Variants in PTPRK observed in about 807,000 individuals in gnomAD.
PTPRK encodes the protein protein tyrosine phosphatase receptor type K.
Under a neutral mutation model 178.0 loss-of-function variants are expected in PTPRK, and 75 were observed. That is an observed-to-expected ratio of 0.42 (90% CI 0.35 to 0.51). The LOEUF is 0.51. Ranked by LOEUF, PTPRK falls within the 20% of genes least tolerant of loss-of-function variation. PTPRK has a pLI of 0.02. For synonymous variants in PTPRK, 637 were observed against 620.6 expected (o/e 1.03, Z -0.39); for missense variants, 1,441 against 1,797.8 (o/e 0.80, Z 3.59).
intron 7 of PTPRK, among the ~76,000 whole-genome samples, chr6:128,122,990 T>A (rs1467211954): frequency 6.6e-6 from 1 of 152,144 alleles, no homozygotes; most frequent in Non-Finnish European, 1.5e-5. Flanking sequence ...ACCTGGAACT[T>A]CAGAATGGAA....
At chr6:128,395,480 T>C (rs1339826382) in intron 2 of PTPRK, among the ~76,000 whole-genome samples, 2 of 152,180 alleles carry the variant, frequency 1.3e-5, no homozygotes, top group Non-Finnish European at 2.9e-5. Context: ...CCACCATCAA[T>C]GGTAATTAGC....
At position 128,137,996 on chromosome 6, in the gene PTPRK, G is replaced by C. The variant is rs1401342379; in HGVS notation, c.1162+46436C>G. ...AATGTAAACATCCGGCACATATTTA[G>C]AAAGACACAGATATTTGACTTACAA... On this transcript the variant is annotated intron_variant, in intron 7 of 29. Transcript: ENST00000368226. Among the ~76,000 whole-genome samples the C allele has an allele frequency of 1.3e-5, 2 of 151,986 alleles. 1 individual carries two copies. Among genetic ancestry groups the C allele is most frequent in the African/African-American group, 4.8e-5 (2 of 41,390 alleles).
chr6:128,428,997 A>G (rs1844505082), intron 1 of PTPRK, among the ~76,000 whole-genome samples: 1 of 152,216 alleles, frequency 6.6e-6, no homozygotes, highest in South Asian at 2.1e-4. Flanking sequence ...TAGGTGTATT[A>G]AAAGTATTTC....
At chr6:128,029,307 A>G (rs1774875296) in intron 13 of PTPRK, among the ~76,000 whole-genome samples, 1 of 151,968 alleles carries the variant, frequency 6.6e-6, no homozygotes. Flanking sequence ...TGCCAGCACT[A>G]CGCTTCCTCT....
chr6:128,238,511 A>G (rs1485193511), intron 5 of PTPRK, among the ~76,000 whole-genome samples: 1 of 152,188 alleles, frequency 6.6e-6, no homozygotes, highest in African/African-American at 2.4e-5. Context: ...GGGCAGACCT[A>G]CAGAGCCTCT....
At chr6:128,035,770 G>C (rs1054076824) in intron 13 of PTPRK, among the ~76,000 whole-genome samples, 8 of 152,154 alleles carry the variant, frequency 5.3e-5, no homozygotes, top group South Asian at 2.1e-4. Context: ...AATGTGTAGG[G>C]ACACTTGGGT....
At chr6:128,453,706 G>A (rs1183599532) in intron 1 of PTPRK, among the ~76,000 whole-genome samples, 2 of 152,118 alleles carry the variant, frequency 1.3e-5, no homozygotes, top group East Asian at 3.9e-4. Context: ...CCCTGTAAAT[G>A]TGCTTTTATA....
At chr6:128,322,370 C>T (rs1828923775) in intron 2 of PTPRK, 60 bp from the exon 3 acceptor site, 2 of 1,440,220 alleles carry the variant, frequency 1.4e-6, no homozygotes, top group Middle Eastern at 1.8e-4. Flanking sequence ...GAACATATAA[C>T]AATAAAAATA....
intron 6 of PTPRK, among the ~76,000 whole-genome samples, chr6:128,207,406 G>T (rs917387545): frequency 6.6e-6 from 1 of 152,050 alleles, no homozygotes; most frequent in Non-Finnish European, 1.5e-5. Context: ...GATTGCTGAT[G>T]GTTGATTTTT....
chr6:128,465,410 G>C (rs796636803), intron 1 of PTPRK, among the ~76,000 whole-genome samples: 88 of 152,010 alleles, frequency 5.8e-4, no homozygotes, highest in African/African-American at 2.0e-3. Context: ...TTAATCTGTG[G>C]AAAGACAATT....
chr6:128,384,716 A>G (rs1327475309), intron 2 of PTPRK, among the ~76,000 whole-genome samples: 2 of 152,222 alleles, frequency 1.3e-5, no homozygotes, highest in African/African-American at 4.8e-5. Flanking sequence ...ATTGAATACA[A>G]GGCAATCGTG....
intron 3 of PTPRK, among the ~76,000 whole-genome samples, chr6:128,262,809 CTT>C (rs1299423913): frequency 1.1e-5 from 1 of 93,832 alleles, no homozygotes. Context: ...AATGGTACTT[CTT>C]TTTTTTTTTT....
chr6:128,208,342 T>A (rs536919433), intron 6 of PTPRK, among the ~76,000 whole-genome samples: 1 of 150,800 alleles, frequency 6.6e-6, no homozygotes, highest in African/African-American at 2.4e-5. Context: ...CTTTAAAACA[T>A]TGATGTAGGA....
At chr6:128,290,563 C>T (rs1380454961) in intron 3 of PTPRK, among the ~76,000 whole-genome samples, 1 of 151,996 alleles carries the variant, frequency 6.6e-6, no homozygotes, top group Non-Finnish European at 1.5e-5. Context: ...CATCAGAATA[C>T]CTCCTCAGGC....
At chr6:128,029,620 G>A (rs1165667308) in intron 13 of PTPRK, among the ~76,000 whole-genome samples, 2 of 148,470 alleles carry the variant, frequency 1.3e-5, no homozygotes, top group East Asian at 2.0e-4. Context: ...CTGGGTGACA[G>A]AGTGAGATTC....
rs1858885957 is a variant in PTPRK, at chr6:128,520,433, G to A, written c.-75C>T. 1.4e-6 allele frequency: 2 copies of A among 1,434,342 alleles called. No homozygotes were observed. Among genetic ancestry groups the A allele is most frequent in the Non-Finnish European group, 1.9e-6 (2 of 1,042,196 alleles). 88.9% of individuals were successfully genotyped at this position (1,434,342 alleles called of 1,614,324 possible). On this transcript the variant is annotated 5_prime_UTR_variant, in exon 1 of 30. Transcript: ENST00000368226. ...GATCGCCGCGAAATCCACGACGGAG[G>A]AGCGGGCCGGGCCTCGCGGGGTGAG...
chr6:128,475,883 C>T (rs969812741), intron 1 of PTPRK, among the ~76,000 whole-genome samples: 3 of 151,852 alleles, frequency 2.0e-5, no homozygotes, highest in Non-Finnish European at 4.4e-5. Context: ...AGTATATGGC[C>T]ATATCCATTA....
intron 7 of PTPRK, among the ~76,000 whole-genome samples, chr6:128,180,426 T>G (rs1472031443): frequency 1.3e-5 from 2 of 152,000 alleles, no homozygotes; most frequent in Non-Finnish European, 2.9e-5. Context: ...ATAGCATGGG[T>G]CAGAGTATAA....
chr6:128,387,099 A>G (rs1838851819), intron 2 of PTPRK, among the ~76,000 whole-genome samples: 1 of 152,124 alleles, frequency 6.6e-6, no homozygotes, highest in African/African-American at 2.4e-5. Flanking sequence ...GACAAAAACA[A>G]AAGGATACCA....
Sources: allele counts gnomAD v4.1 joint callset (sites outside exome capture counted in the v4.1 genomes callset), GRCh38; gene constraint gnomAD v4.1.1; transcripts MANE v1.5; gene names NCBI Gene and HGNC (gene_info 2026-07-23, HGNC 2026-07-21).